LRRC9: variants seen among roughly 807,000 people sequenced by gnomAD.
LRRC9 encodes leucine rich repeat containing 9.
A neutral mutation model predicts 63.2 loss-of-function variants in LRRC9; 122 were observed. That is an observed-to-expected ratio of 1.93 (90% CI 1.67 to 2.24). The LOEUF (loss-of-function observed/expected upper bound fraction) is 2.24. Ranked by LOEUF, LRRC9 falls within the 30% of genes most tolerant of loss-of-function variation. The pLI is 0.00. For missense variants in LRRC9, 1,071 were observed against 627.7 expected, an observed-to-expected ratio of 1.71 and a Z score of -7.55; for synonymous variants, 366 against 213.1, an observed-to-expected ratio of 1.72 and a Z score of -6.25.
intron 16 of LRRC9, among the ~76,000 whole-genome samples, chr14:59,982,379 C>T (rs1001072752): frequency 6.6e-6 from 1 of 151,866 alleles, no homozygotes; most frequent in East Asian, 1.9e-4. Context: ...AACAAAATAC[C>T]ACAGACTGAG....
chr14:60,035,297 G>C (rs1237501955), intron 29 of LRRC9, among the ~76,000 whole-genome samples: 1 of 152,066 alleles, frequency 6.6e-6, no homozygotes, highest in African/African-American at 2.4e-5. Context: ...CATTCTGTGG[G>C]TTGTAGCTTT....
intron 17 of LRRC9, among the ~76,000 whole-genome samples, chr14:59,988,960 ATG>A (rs1175810895): frequency 3.3e-5 from 5 of 152,112 alleles, no homozygotes; most frequent in Admixed American, 1.3e-4. Flanking sequence ...GGCATCTTAA[ATG>A]TTACTTCATT....
chr14:60,055,147 A>C (rs891428656), intron 30 of LRRC9, among the ~76,000 whole-genome samples: 7 of 152,252 alleles, frequency 4.6e-5, no homozygotes, highest in African/African-American at 1.4e-4. Context: ...AAGTAGCTAC[A>C]AAGACTTGTG....
intron 12 of LRRC9, among the ~76,000 whole-genome samples, chr14:59,971,382 C>T (rs1194361792): frequency 2.0e-5 from 3 of 152,048 alleles, no homozygotes; most frequent in Non-Finnish European, 4.4e-5. Context: ...CAGCATTATT[C>T]TTTTCGCATA....
chr14:60,014,548 C>T (rs1252440347), intron 23 of LRRC9, among the ~76,000 whole-genome samples: 3 of 152,012 alleles, frequency 2.0e-5, no homozygotes, highest in African/African-American at 7.2e-5. Context: ...TGATGTTTCT[C>T]TTTCACCACT....
chr14:59,992,880 T>G (rs1888309278), intron 17 of LRRC9, among the ~76,000 whole-genome samples: 2 of 152,172 alleles, frequency 1.3e-5, no homozygotes, highest in Non-Finnish European at 2.9e-5. Context: ...TGGAAAACAC[T>G]CTGCAGGATA....
At chr14:59,999,350 G>C (rs1056607758) in intron 19 of LRRC9, 124 bp downstream of exon 19, 1 of 483,542 alleles carries the variant, frequency 2.1e-6, no homozygotes, top group Admixed American at 3.8e-5. Context: ...AATTAATATA[G>C]AGCAATCATA....
intron 29 of LRRC9, among the ~76,000 whole-genome samples, chr14:60,048,928 A>G (rs1368447179): frequency 6.6e-6 from 1 of 152,210 alleles, no homozygotes; most frequent in Non-Finnish European, 1.5e-5. Context: ...CAAAAGGCTT[A>G]TCCACCATGA....
At chr14:60,038,245 G>A (rs1031998897) in intron 29 of LRRC9, among the ~76,000 whole-genome samples, 1 of 152,186 alleles carries the variant, frequency 6.6e-6, no homozygotes. Flanking sequence ...ACTTGGCAAT[G>A]CGGGCTCTTT....
rs900848156 is a variant in LRRC9, at chr14:59,964,329, G to A, written c.1212-2260G>A. ...TTTAAAGTCAGCTGAACTGTGTACC[G>A]CACTGCTCTTGAAGCAAACGCAGTA... On this transcript the variant is annotated intron_variant, in intron 10 of 31. Coordinates refer to ENST00000445360, the Ensembl canonical transcript of LRRC9. The surrounding 1 kb of genome is among the most constrained non-coding windows in gnomAD (Gnocchi z 4.4). Among the ~76,000 whole-genome samples the A allele has an allele frequency of 3.3e-5, 5 of 152,184 alleles. No individual in the cohort carries two copies. Among genetic ancestry groups the A allele is most frequent in the East Asian group, 3.9e-4 (2 of 5,186 alleles).
chr14:60,019,082 T>C (rs1890917743), intron 25 of LRRC9, 39 bp from the exon 26 acceptor site: 1 of 629,916 alleles, frequency 1.6e-6, no homozygotes, highest in African/African-American at 1.9e-5. Context: ...TTTTTAATAA[T>C]TTCTAGGATT....
At chr14:59,926,479 T>C (rs868746703) in intron 1 of LRRC9, among the ~76,000 whole-genome samples, 19 of 152,322 alleles carry the variant, frequency 1.2e-4, no homozygotes, top group Middle Eastern at 3.4e-3. Flanking sequence ...TAGAATTTCA[T>C]TGAAGTATAG....
In LRRC9 at chr14:59,991,992, C is replaced by G. The variant is rs191170587; in HGVS notation, c.2212-5664C>G. Among the ~76,000 whole-genome samples, 867 of 152,272 alleles carry G rather than the reference C, an allele frequency of 5.7e-3. 9 individuals are homozygous for G. The highest frequency in any genetic ancestry group is 0.02 in the African/African-American group (831 of 41,562). ...GTTCTCCCAGCACGCAGCTGGAGAT[C>G]TGAGAACAGACAGACTGCCTCCTCA... On this transcript the variant is annotated intron_variant, in intron 17 of 31. Coordinates refer to ENST00000445360, the Ensembl canonical transcript of LRRC9.
In LRRC9 at chr14:60,063,317, T is replaced by G; in HGVS notation, c.4277-6T>G. ...TATTTGACTAATTAAATCTTATTTC[T>G]TACAGAATTTTTGGGAGCAACTTTC... On this transcript the variant is annotated splice_region_variant and splice_polypyrimidine_tract_variant and intron_variant, in intron 31 of 31. Coordinates refer to ENST00000445360, the Ensembl canonical transcript of LRRC9. 1 of 701,614 alleles carries G rather than the reference T, an allele frequency of 1.4e-6. No homozygotes were observed. The highest frequency in any genetic ancestry group is 2.0e-5 in the Admixed American group (1 of 49,904). The allele number at this position is 701,614 out of a possible 1,614,324, so 43.5% of individuals were successfully genotyped here. A position where few individuals can be genotyped will look rare whatever the true frequency, so the allele number is the denominator to read the frequency against.
intron 29 of LRRC9, among the ~76,000 whole-genome samples, chr14:60,035,560 T>C (rs1892360758): frequency 6.6e-6 from 1 of 152,194 alleles, no homozygotes; most frequent in African/African-American, 2.4e-5. Context: ...ATATACAGAG[T>C]TATCCACTTT....
At chr14:59,946,663 C>A (rs1336312989) in intron 8 of LRRC9, among the ~76,000 whole-genome samples, 1 of 137,398 alleles carries the variant, frequency 7.3e-6, no homozygotes, top group African/African-American at 2.8e-5. Context: ...CCCCTCCCCA[C>A]TCCTCACCAC....
chr14:60,006,760 G>C, intron 22 of LRRC9, 143 bp downstream of exon 22: 1 of 531,628 alleles, frequency 1.9e-6, no homozygotes, highest in South Asian at 2.7e-5. Context: ...AAATGTATTT[G>C]CATTCAATGT....
In LRRC9 at chr14:59,990,612, A is replaced by G. The variant is rs1173589758; in HGVS notation, c.2211+5388A>G. ...AATTTTGTAGAGATGGGGTTTCACT[A>G]TGGTGCCTAGGCTGGTCTCAAACTC... On this transcript the variant is annotated intron_variant, in intron 17 of 31. Coordinates refer to ENST00000445360, the Ensembl canonical transcript of LRRC9. This position sits in a 1 kb window ranked among gnomAD's most constrained non-coding sequence, Gnocchi z 4.2. 2.0e-5 allele frequency among the ~76,000 whole-genome samples: 3 copies of G among 151,658 alleles called. No homozygotes were observed. The highest frequency in any genetic ancestry group is 7.3e-5 in the African/African-American group (3 of 41,292).
rs970041334 is a variant in LRRC9 at position 59,927,051 on chromosome 14, G to A, written c.-33-860G>A. On this transcript the variant is annotated intron_variant, in intron 1 of 31. Coordinates refer to ENST00000445360, the Ensembl canonical transcript of LRRC9. This position sits in a 1 kb window ranked among gnomAD's most constrained non-coding sequence, Gnocchi z 4.4. ...TTACATTTGTATTCTGGCCACAAAG[G>A]CTTTCACCTGCATCTAAGGAAACTC... Among the ~76,000 whole-genome samples the A allele has an allele frequency of 6.6e-6, 1 of 151,970 alleles. No individual in the cohort carries two copies. The highest frequency in any genetic ancestry group is 6.6e-5 in the Admixed American group (1 of 15,266).
Sources: gnomAD v4.1 joint callset for allele counts (sites outside exome capture counted in the v4.1 genomes callset) on GRCh38, gnomAD v4.1.1 for gene constraint, Gnocchi (gnomAD v3.1) non-coding constraint, MANE v1.5 for transcripts, NCBI Gene and HGNC (gene_info 2026-07-23, HGNC 2026-07-21) for gene names.